CNTNAP5: variants seen among roughly 807,000 people sequenced by gnomAD.
CNTNAP5 encodes contactin associated protein family member 5.
CNTNAP5 carries 72 observed loss-of-function variants against 150.2 expected under a neutral mutation model. That is an observed-to-expected ratio of 0.48 (90% CI 0.40 to 0.58). The LOEUF is 0.58. CNTNAP5 is among the 20% of genes least tolerant of loss of function. The probability of loss-of-function intolerance (pLI) is 0.00; values close to 1 mark genes in which losing one functional copy is unlikely to be tolerated. For synonymous variants in CNTNAP5, 672 were observed against 619.8 expected, an observed-to-expected ratio of 1.08 and a Z score of -1.25; for missense variants, 1,636 against 1,626.2, an observed-to-expected ratio of 1.01 and a Z score of -0.10.
At chr2:124,135,313 C>T (rs1683950931) in intron 1 of CNTNAP5, 1 of 152,244 alleles carries the variant, frequency 6.6e-6, no homozygotes, top group Admixed American at 6.5e-5. Context: ...CAGAAAGCAA[C>T]ATGACATTGC....
chr2:124,585,077 A>G lies in CNTNAP5; in HGVS notation c.1756+21754A>G, dbSNP rs540579862. ...AGTTTAGGGAGCAAGCATGTAGGCTAAGGTGGTAAATGACCCTAACCTGTC... is the reference window on the plus strand; with the variant it reads ...AGTTTAGGGAGCAAGCATGTAGGCTGAGGTGGTAAATGACCCTAACCTGTC... On this transcript the variant is annotated intron_variant, in intron 11 of 23. Transcript: ENST00000682447. 1.2e-3 allele frequency among the ~76,000 whole-genome samples: 182 copies of G among 152,314 alleles called. 1 individual carries two copies. Among genetic ancestry groups the G allele is most frequent in the African/African-American group, 3.9e-3 (162 of 41,566 alleles).
At chr2:124,711,041 G>A (rs568082662) in intron 13 of CNTNAP5, among the ~76,000 whole-genome samples, 3 of 152,124 alleles carry the variant, frequency 2.0e-5, no homozygotes, top group Admixed American at 1.3e-4. Flanking sequence ...GGGAGGCAGA[G>A]GCGGGTGGAT....
At chr2:124,332,004 T>C (rs1471877062) in intron 3 of CNTNAP5, among the ~76,000 whole-genome samples, 1 of 151,938 alleles carries the variant, frequency 6.6e-6, no homozygotes, top group Non-Finnish European at 1.5e-5. Context: ...TTAATCTTTG[T>C]CAATTGATTA....
chr2:124,788,649 G>C lies in CNTNAP5; in HGVS notation c.2753-1253G>C, dbSNP rs899412197. On this transcript the variant is annotated intron_variant, in intron 17 of 23. Transcript: ENST00000682447. ...AGAGTCTCGCCCTGTGGCCCAGGCTGGAATGCAATGGCATGATCTCGGCTC... is the reference window on the plus strand; with the variant it reads ...AGAGTCTCGCCCTGTGGCCCAGGCTCGAATGCAATGGCATGATCTCGGCTC... Among the ~76,000 whole-genome samples the C allele has an allele frequency of 1.4e-4, 21 of 147,988 alleles. 1 individual carries two copies. In the South Asian group the frequency reaches 3.4e-3, roughly 24 times the overall value.
intron 11 of CNTNAP5, among the ~76,000 whole-genome samples, chr2:124,595,984 AT>A (rs1250190118): frequency 2.6e-5 from 2 of 77,826 alleles, no homozygotes; most frequent in African/African-American, 1.1e-4. Flanking sequence ...CGGTGGTGAT[AT>A]CCCCTTTATC....
intron 1 of CNTNAP5, among the ~76,000 whole-genome samples, chr2:124,153,479 G>C (rs879123138): frequency 2.6e-5 from 4 of 151,992 alleles, no homozygotes; most frequent in Admixed American, 2.6e-4. Flanking sequence ...CTGGAGGATG[G>C]ATGTCCAATA....
chr2:124,445,132 C>G (rs1692781820), intron 5 of CNTNAP5, among the ~76,000 whole-genome samples: 2 of 150,658 alleles, frequency 1.3e-5, no homozygotes, highest in Admixed American at 1.3e-4. Context: ...TGGCCTGGCC[C>G]AGGCTGGAGT....
At chr2:124,492,697 A>G (rs182256320) in intron 7 of CNTNAP5, among the ~76,000 whole-genome samples, 23 of 152,196 alleles carry the variant, frequency 1.5e-4, no homozygotes, top group Non-Finnish European at 2.4e-4. Context: ...ATTTATTCTT[A>G]TTACTCGAAC....
chr2:124,099,090 A>G (rs528782580), intron 1 of CNTNAP5, among the ~76,000 whole-genome samples: 1 of 152,320 alleles, frequency 6.6e-6, no homozygotes, highest in Admixed American at 6.5e-5. Flanking sequence ...CTTCAGACTC[A>G]TGCCGCATAT....
chr2:124,745,226 C>T (rs1289917656), intron 13 of CNTNAP5, among the ~76,000 whole-genome samples: 2 of 152,144 alleles, frequency 1.3e-5, no homozygotes, highest in African/African-American at 4.8e-5. Context: ...CCATTAGTAA[C>T]AATGCAATTA....
intron 6 of CNTNAP5, among the ~76,000 whole-genome samples, chr2:124,450,953 C>A (rs1332034148): frequency 6.9e-6 from 1 of 144,502 alleles, no homozygotes; most frequent in Non-Finnish European, 1.5e-5. Flanking sequence ...ATGGCTTGAG[C>A]CCAGTTTGAG....
chr2:124,287,346 T>G (rs549751626), intron 3 of CNTNAP5, among the ~76,000 whole-genome samples: 2 of 152,240 alleles, frequency 1.3e-5, no homozygotes, highest in South Asian at 4.1e-4. Context: ...TGCTAACCAA[T>G]GTAAATTAGG....
At chr2:124,102,480 C>T (rs1444096962) in intron 1 of CNTNAP5, among the ~76,000 whole-genome samples, 3 of 152,178 alleles carry the variant, frequency 2.0e-5, no homozygotes, top group Non-Finnish European at 2.9e-5. Context: ...TGTAGCCTCA[C>T]TTCAGGCAAG....
intron 13 of CNTNAP5, among the ~76,000 whole-genome samples, chr2:124,701,852 T>C (rs1679528079): frequency 6.6e-6 from 1 of 152,114 alleles, no homozygotes; most frequent in Non-Finnish European, 1.5e-5. Flanking sequence ...TTTGCCCATA[T>C]TTTAATTGAG....
At chr2:124,216,868 A>G (rs1686171318) in intron 1 of CNTNAP5, among the ~76,000 whole-genome samples, 1 of 152,166 alleles carries the variant, frequency 6.6e-6, no homozygotes. Context: ...ATGTGTCTTT[A>G]TAGCAGCATG....
intron 1 of CNTNAP5, among the ~76,000 whole-genome samples, chr2:124,138,857 A>G (rs1046417060): frequency 1.3e-5 from 2 of 151,152 alleles, no homozygotes; most frequent in Non-Finnish European, 3.0e-5. Context: ...ATATATATAT[A>G]TCAGCCCTCT....
At chr2:124,358,304 C>T (rs1391503919) in intron 3 of CNTNAP5, among the ~76,000 whole-genome samples, 3 of 151,952 alleles carry the variant, frequency 2.0e-5, no homozygotes, top group Non-Finnish European at 2.9e-5. Context: ...TTTCCTTCTC[C>T]TGCCTAATTG....
intron 13 of CNTNAP5, among the ~76,000 whole-genome samples, chr2:124,719,830 T>A (rs1336598773): frequency 2.0e-5 from 3 of 152,210 alleles, no homozygotes; most frequent in Admixed American, 6.5e-5. Context: ...AACATTTGTA[T>A]CAAGAGTGTA....
intron 1 of CNTNAP5, among the ~76,000 whole-genome samples, chr2:124,121,278 T>A (rs1368602188): frequency 1.3e-5 from 2 of 152,160 alleles, no homozygotes; most frequent in East Asian, 3.9e-4. Context: ...ATTTATTAGG[T>A]ACAGACTGAC....
Sources: allele counts gnomAD v4.1 joint callset (sites outside exome capture counted in the v4.1 genomes callset), GRCh38; gene constraint gnomAD v4.1.1; transcripts MANE v1.5; gene names NCBI Gene and HGNC (gene_info 2026-07-23, HGNC 2026-07-21).